The following WDR64 variants were observed in gnomAD, a reference collection of about 807,000 sequenced individuals.
WDR64 encodes the protein WD repeat-containing protein 64.
A neutral mutation model predicts 139.3 loss-of-function variants in WDR64; 112 were observed. The observed-to-expected ratio is 0.80, with a 90% CI of 0.69 to 0.94. The LOEUF (loss-of-function observed/expected upper bound fraction) is 0.94, where lower values mean the gene tolerates loss of function less well. WDR64 is among the 40% of genes least tolerant of loss of function. The pLI, the probability that WDR64 is intolerant of heterozygous loss-of-function variation, is 0.00. For synonymous variants in WDR64, 444 were observed against 437.7 expected (o/e 1.01, Z -0.18); for missense variants, 1,206 against 1,293.1 (o/e 0.93, Z 1.03).
In WDR64 at chr1:241,674,695, A is replaced by T. The variant is rs904748374; in HGVS notation, c.431A>T (p.Asp144Val). Residue 144 changes from aspartate to valine, a missense_variant, in exon 4 of 28, where the codon GAT (aspartate) becomes GTT (valine). Transcript: ENST00000437684. ...AGCATTGTCAAGATACCTCACCTGG[A>T]TTTACTAATAACAGCTACTCAGAAA... ...IKSIVKIPHL[D>V]LLITATQKGL... The T allele has an allele frequency of 3.2e-6, 5 of 1,550,446 alleles. No individual in the cohort carries two copies. In the East Asian group the frequency reaches 9.8e-5, roughly 30 times the overall value.
rs1357029565 is a variant in WDR64, at chr1:241,769,511, T to C, written c.2183+6T>C. Reference sequence around the variant, plus strand: ...CGTACCCCTGAATGTGCAAGGTAACTCGTTACTTACTGAACCAGTAATACT... The same window carrying C: ...CGTACCCCTGAATGTGCAAGGTAACCCGTTACTTACTGAACCAGTAATACT... On this transcript the variant is annotated splice_donor_region_variant and intron_variant, in intron 17 of 27. Transcript: ENST00000437684. 2.6e-6 allele frequency: 4 copies of C among 1,549,162 alleles called. No homozygotes were observed.
At chr1:241,753,417 A>G (rs1670050843) in intron 14 of WDR64, among the ~76,000 whole-genome samples, 1 of 152,178 alleles carries the variant, frequency 6.6e-6, no homozygotes, top group Non-Finnish European at 1.5e-5. Context: ...AGAAAATATA[A>G]ATATGGCCCA....
intron 19 of WDR64, among the ~76,000 whole-genome samples, chr1:241,772,297 T>C (rs1658484903): frequency 6.8e-6 from 1 of 146,250 alleles, no homozygotes; most frequent in Non-Finnish European, 1.5e-5. Context: ...TAATGTTTTT[T>C]CTGTCCTTTG....
chr1:241,747,737 T>C (rs752794322), intron 13 of WDR64, among the ~76,000 whole-genome samples: 2 of 152,128 alleles, frequency 1.3e-5, no homozygotes, highest in Non-Finnish European at 2.9e-5. Flanking sequence ...CGAGAATCGA[T>C]GTTGCAGGCA....
chr1:241,768,029 A>T (rs1314244850), intron 16 of WDR64, among the ~76,000 whole-genome samples: 1 of 152,186 alleles, frequency 6.6e-6, no homozygotes, highest in African/African-American at 2.4e-5. Context: ...CTCTTTCCTA[A>T]GAAGGGAAAT....
chr1:241,748,199 G>A (rs3922506), intron 13 of WDR64, among the ~76,000 whole-genome samples: 46,690 of 152,126 alleles, frequency 0.31, 7,990 homozygotes, highest in East Asian at 0.51. Context: ...TTGTAAGGGA[G>A]AAAAAGCTGA....
intron 16 of WDR64, among the ~76,000 whole-genome samples, chr1:241,767,534 T>C (rs1267898815): frequency 1.3e-5 from 2 of 151,786 alleles, no homozygotes; most frequent in Non-Finnish European, 2.9e-5. Context: ...TAATAATAAA[T>C]GAAAATAAAA....
chr1:241,742,430 G>A (rs1023048016), intron 12 of WDR64, among the ~76,000 whole-genome samples: 3 of 152,140 alleles, frequency 2.0e-5, no homozygotes, highest in African/African-American at 4.8e-5. Flanking sequence ...CTGATAAAAC[G>A]AGTTGCAGTA....
At chr1:241,784,953 GAAAAA>G (rs58720618) in intron 23 of WDR64, among the ~76,000 whole-genome samples, 17,547 of 61,980 alleles carry the variant, frequency 0.28, 1,687 homozygotes, top group African/African-American at 0.36. Flanking sequence ...GACTCTGTCT[GAAAAA>G]AAAAAAAAAA....
chr1:241,765,427 T>G (rs996301346), intron 15 of WDR64, among the ~76,000 whole-genome samples: 1 of 151,972 alleles, frequency 6.6e-6, no homozygotes, highest in African/African-American at 2.4e-5. Flanking sequence ...ATATTAATAT[T>G]TAAAAGACTG....
At chr1:241,743,001 T>G (rs1297873159) in intron 12 of WDR64, among the ~76,000 whole-genome samples, 2 of 152,204 alleles carry the variant, frequency 1.3e-5, no homozygotes, top group Non-Finnish European at 2.9e-5. Flanking sequence ...CTGGGGACCC[T>G]TCAAATTACC....
At position 241,796,305 on chromosome 1, in the gene WDR64, G is replaced by A; in HGVS notation, c.3127G>A (p.Ala1043Thr). The change falls in exon 27 of 28, where the codon GCC becomes ACC. Residue 1043 changes from alanine (A) to threonine (T), a missense_variant. Transcript: ENST00000437684. Reference protein sequence around the residue: ...LRFLPLIGVEAQKDSSDGITG... With the variant: ...LRFLPLIGVETQKDSSDGITG... ...ATTTCTTCCACTGATTGGCGTAGAA[G>A]CCCAAAAGGACTCTTCAGATGGCAT... The A allele has an allele frequency of 1.2e-6, 2 of 1,613,790 alleles. No individual in the cohort carries two copies. The highest frequency in any genetic ancestry group is 1.7e-6 in the Non-Finnish European group (2 of 1,179,890).
intron 23 of WDR64, among the ~76,000 whole-genome samples, chr1:241,784,041 A>T (rs1658945204): frequency 6.6e-6 from 1 of 152,214 alleles, no homozygotes; most frequent in Non-Finnish European, 1.5e-5. Context: ...GGGAATTTCA[A>T]TGGAATCAAA....
intron 23 of WDR64, among the ~76,000 whole-genome samples, chr1:241,785,492 C>T (rs753009828): frequency 6.6e-6 from 1 of 152,174 alleles, no homozygotes. Flanking sequence ...ATCAATATCA[C>T]CACTTCGGGG....
At chr1:241,669,123 C>G (rs541183265) in intron 2 of WDR64, among the ~76,000 whole-genome samples, 2 of 152,218 alleles carry the variant, frequency 1.3e-5, no homozygotes, top group South Asian at 4.1e-4. Flanking sequence ...TAAACCTCAA[C>G]AAAACAAAAC....
intron 2 of WDR64, among the ~76,000 whole-genome samples, chr1:241,663,264 G>A (rs1665899992): frequency 6.6e-6 from 1 of 152,202 alleles, no homozygotes. Flanking sequence ...GCTCCTTGCT[G>A]TTTCACACGG....
chr1:241,725,672 G>A (rs1028855944), intron 10 of WDR64, among the ~76,000 whole-genome samples: 3 of 152,246 alleles, frequency 2.0e-5, no homozygotes, highest in East Asian at 1.9e-4. Context: ...AACTGAGGAC[G>A]TGACCTGACC....
rs1667797276 is a variant in WDR64 at position 241,703,240 on chromosome 1, T to C, written c.975-8562T>C. 6.6e-6 allele frequency among the ~76,000 whole-genome samples: 1 copy of C among 152,290 alleles called. No homozygotes were observed. The highest frequency in any genetic ancestry group is 1.9e-4 in the East Asian group (1 of 5,184). On this transcript the variant is annotated intron_variant, in intron 8 of 27. Transcript: ENST00000437684. The surrounding 1 kb of genome is among the most constrained non-coding windows in gnomAD (Gnocchi z 5.9). ...TTCTTTAGCAATCACACAGTTCCCC[T>C]GGGATGCTTCCCGTCTGCAGCATTG... is the stretch of plus-strand genomic sequence containing the variant.
chr1:241,663,419 A>G (rs1365197362), intron 2 of WDR64, among the ~76,000 whole-genome samples: 2 of 152,202 alleles, frequency 1.3e-5, no homozygotes, highest in African/African-American at 2.4e-5. Context: ...CTTCACCTCC[A>G]CAAACACTAT....
Sources: gnomAD v4.1 joint callset for allele counts (sites outside exome capture counted in the v4.1 genomes callset) on GRCh38, gnomAD v4.1.1 for gene constraint, Gnocchi (gnomAD v3.1) non-coding constraint, MANE v1.5 for transcripts, NCBI Gene and HGNC (gene_info 2026-07-23, HGNC 2026-07-21) for gene names.